The following MYO16 variants were observed in gnomAD, a reference collection of about 807,000 sequenced individuals.
MYO16 encodes the protein myosin XVI.
In MYO16, 94 loss-of-function variants were observed where a neutral mutation model predicts 205.3. That is an observed-to-expected ratio of 0.46 (90% CI 0.39 to 0.54). The LOEUF (loss-of-function observed/expected upper bound fraction) is 0.54, where lower values mean the gene tolerates loss of function less well. Ranked by LOEUF, MYO16 falls within the 20% of genes least tolerant of loss-of-function variation. MYO16 has a pLI of 0.00. For synonymous variants in MYO16, 988 were observed against 954.0 expected, an observed-to-expected ratio of 1.04 and a Z score of -0.66; for missense variants, 2,315 against 2,387.5, an observed-to-expected ratio of 0.97 and a Z score of 0.63.
chr13:108,986,648 A>G (rs1884648376), intron 20 of MYO16, among the ~76,000 whole-genome samples: 1 of 142,514 alleles, frequency 7.0e-6, no homozygotes, highest in African/African-American at 2.6e-5. Context: ...AAAAAAAAAG[A>G]TAGTATTCAG....
At position 108,990,147 on chromosome 13, in the gene MYO16, T is replaced by TACACAC. The variant is rs56975148; in HGVS notation, c.2370-2198_2370-2193dup. Among the ~76,000 whole-genome samples, 1,443 of 148,486 alleles carry TACACAC rather than the reference T, an allele frequency of 9.7e-3. 8 individuals carry two copies. The highest frequency in any genetic ancestry group is 0.012 in the Admixed American group (175 of 14,856). On this transcript the variant is annotated intron_variant, in intron 20 of 34. Transcript: ENST00000457511. ...ATGATGCAGCTCATCACACAGACAA[T>TACACAC]ACACACACACACACACACACACACA...
intron 9 of MYO16, 82 bp downstream of exon 9, chr13:108,823,360 A>T: frequency 7.6e-7 from 1 of 1,309,414 alleles, no homozygotes; most frequent in Non-Finnish European, 1.0e-6. Flanking sequence ...TCTGACTCTC[A>T]GCCAAAGAGT....
chr13:108,617,003 C>T lies in MYO16; in HGVS notation c.-39+20764C>T, dbSNP rs945321658. Among the ~76,000 whole-genome samples the T allele has an allele frequency of 2.8e-4, 43 of 152,148 alleles. 1 individual carries two copies. Among genetic ancestry groups the T allele is most frequent in the Admixed American group, 2.8e-3 (43 of 15,262 alleles). On this transcript the variant is annotated intron_variant, in intron 1 of 24. Transcript: ENST00000251041. ...CCATTTTGTGACCTGATCTCTGATTCCATCTCAGTGTCCTCTCTCATCTGT... is the reference window on the plus strand; with the variant it reads ...CCATTTTGTGACCTGATCTCTGATTTCATCTCAGTGTCCTCTCTCATCTGT...
chr13:108,886,277 G>A (rs1390028274), intron 13 of MYO16, among the ~76,000 whole-genome samples: 3 of 151,926 alleles, frequency 2.0e-5, no homozygotes, highest in Non-Finnish European at 4.4e-5. Context: ...GTGAGCCACC[G>A]CGCCCGGCCC....
chr13:109,164,132 G>C (rs995772437), intron 32 of MYO16: 1 of 152,256 alleles, frequency 6.6e-6, no homozygotes, highest in Non-Finnish European at 1.5e-5. Context: ...AGGTGGTGAT[G>C]GGGGGATGTC....
chr13:108,997,596 T>C (rs1383207559), intron 21 of MYO16, among the ~76,000 whole-genome samples: 1 of 152,012 alleles, frequency 6.6e-6, no homozygotes, highest in Non-Finnish European at 1.5e-5. Flanking sequence ...CCCAGCACAT[T>C]GGGAGGTCAA....
At chr13:108,624,951 C>T (rs557367226), upstream of MYO16, among the ~76,000 whole-genome samples, 24 of 152,230 alleles carry the variant, frequency 1.6e-4, no homozygotes, top group South Asian at 5.0e-3. Context: ...TTTTCTACAT[C>T]AGTACTCTAT....
chr13:108,765,859 C>A (rs1018137119), intron 4 of MYO16, among the ~76,000 whole-genome samples: 5 of 152,068 alleles, frequency 3.3e-5, no homozygotes, highest in African/African-American at 1.2e-4. Flanking sequence ...TTCCTGAGGT[C>A]ATAAGTACTG....
At chr13:108,585,320 G>A in the MYO16 span, among the ~76,000 whole-genome samples, 1 of 152,240 alleles carries the variant, frequency 6.6e-6, no homozygotes, top group Non-Finnish European at 1.5e-5. Context: ...ACAACTCAAA[G>A]AGGCAGCTTC....
chr13:108,596,744 A>G (rs1020998289), intron 1 of MYO16, among the ~76,000 whole-genome samples: 19 of 152,204 alleles, frequency 1.2e-4, no homozygotes, highest in Non-Finnish European at 7.3e-5. Flanking sequence ...TGTTTTGCAT[A>G]TGTCATATTT....
chr13:108,787,796 T>C (rs978065046), intron 5 of MYO16, among the ~76,000 whole-genome samples: 4 of 152,252 alleles, frequency 2.6e-5, no homozygotes, highest in African/African-American at 9.6e-5. Context: ...TTTAATTCTG[T>C]TTGCCATTTG....
intron 32 of MYO16, among the ~76,000 whole-genome samples, chr13:109,161,455 A>C (rs572753414): frequency 6.6e-6 from 1 of 152,208 alleles, no homozygotes; most frequent in Admixed American, 6.5e-5. Context: ...CCCAAGCCTC[A>C]ATGATCTCAT....
At chr13:109,001,142 G>A (rs1337076584) in intron 21 of MYO16, among the ~76,000 whole-genome samples, 1 of 149,810 alleles carries the variant, frequency 6.7e-6, no homozygotes, top group African/African-American at 2.5e-5. Flanking sequence ...AAGGAAAGAT[G>A]ATTGATTCCT....
intron 23 of MYO16, among the ~76,000 whole-genome samples, chr13:109,041,861 C>CTT (rs3042905): frequency 1.2e-4 from 18 of 144,028 alleles, no homozygotes; most frequent in African/African-American, 4.6e-4. Flanking sequence ...TTCAAATTGC[C>CTT]TTTTTTTTTT....
the MYO16 span, among the ~76,000 whole-genome samples, chr13:108,563,807 G>A: frequency 6.6e-6 from 1 of 152,202 alleles, no homozygotes; most frequent in Non-Finnish European, 1.5e-5. Context: ...AAACATGGGA[G>A]TGCAGATATC....
intron 21 of MYO16, among the ~76,000 whole-genome samples, chr13:109,007,289 G>A (rs1224292405): frequency 6.6e-6 from 1 of 152,068 alleles, no homozygotes; most frequent in African/African-American, 2.4e-5. Flanking sequence ...TCGGGAGGCT[G>A]AGGCAGGATA....
At chr13:109,098,530 G>A (rs1396320421) in intron 27 of MYO16, among the ~76,000 whole-genome samples, 11 of 152,276 alleles carry the variant, frequency 7.2e-5, no homozygotes, top group Admixed American at 2.6e-4. Context: ...GTTGTGTGAC[G>A]TGTTGTTGGG....
Position 109,141,537 on chromosome 13 carries a change from C to T in MYO16, c.5164+161C>T, listed in dbSNP as rs1478735203. On this transcript the variant is annotated intron_variant, in intron 32 of 34. Coordinates refer to ENST00000457511, the MANE Select transcript of MYO16 (RefSeq NM_001198950.3). The surrounding 1 kb of genome is among the most constrained non-coding windows in gnomAD (Gnocchi z 4.1). ...GCTTTAAAAAAAAATCGTATACACC[C>T]ACTGTGACCAAATAGGTAGGAATTA... Among the ~76,000 whole-genome samples the T allele has an allele frequency of 6.6e-6, 1 of 152,068 alleles. No homozygotes were observed. The highest frequency in any genetic ancestry group is 1.5e-5 in the Non-Finnish European group (1 of 68,014).
chr13:108,553,005 CTTTTTTTTTT>C, the MYO16 span, among the ~76,000 whole-genome samples: 10 of 64,910 alleles, frequency 1.5e-4, no homozygotes, highest in East Asian at 6.5e-4. Flanking sequence ...CTTTAATACT[CTTTTTTTTTT>C]TTTTTTTTTT....
Sources: allele counts gnomAD v4.1 joint callset (sites outside exome capture counted in the v4.1 genomes callset), GRCh38; gene constraint gnomAD v4.1.1; non-coding constraint Gnocchi (gnomAD v3.1); transcripts MANE v1.5; gene names NCBI Gene and HGNC (gene_info 2026-07-23, HGNC 2026-07-21).